Variants in UXS1 observed in about 807,000 individuals in gnomAD.
UXS1 encodes the protein UDP-glucuronic acid decarboxylase 1.
A neutral mutation model predicts 62.6 loss-of-function variants in UXS1; 33 were observed. The ratio of observed to expected loss-of-function variants is 0.53; its 90% CI spans 0.40 to 0.70. The LOEUF is 0.70. Ranked by LOEUF, UXS1 falls within the 30% of genes least tolerant of loss-of-function variation. The pLI is 0.00. For synonymous variants in UXS1, 213 were observed against 206.8 expected, an observed-to-expected ratio of 1.03 and a Z score of -0.26; for missense variants, 434 against 556.3, an observed-to-expected ratio of 0.78 and a Z score of 2.21.
intron 9 of UXS1, among the ~76,000 whole-genome samples, chr2:106,121,542 T>C (rs1480109140): frequency 6.6e-6 from 1 of 152,170 alleles, no homozygotes; most frequent in Non-Finnish European, 1.5e-5. Flanking sequence ...TACTCCTAAG[T>C]ACCCATGCAC....
chr2:106,188,296 G>A (rs945014989), intron 1 of UXS1, among the ~76,000 whole-genome samples: 1 of 152,176 alleles, frequency 6.6e-6, no homozygotes, highest in African/African-American at 2.4e-5. Context: ...GGAAAAAGAA[G>A]ATAGGTGAAT....
rs537914740 is a variant in UXS1 at position 106,151,874 on chromosome 2, A to G, written c.291+6184T>C. ...CATCTCAAAAAGGCAAGAGACTTCTATAACTTCCAGAAGAACAGAGAGATT... is the reference window on the plus strand; with the variant it reads ...CATCTCAAAAAGGCAAGAGACTTCTGTAACTTCCAGAAGAACAGAGAGATT... On this transcript the variant is annotated intron_variant, in intron 5 of 14. Coordinates refer to ENST00000283148, the MANE Select transcript of UXS1 (RefSeq NM_001253875.2). Among the ~76,000 whole-genome samples, 55 of 152,360 alleles carry G rather than the reference A, an allele frequency of 3.6e-4. No individual in the cohort carries two copies. In the South Asian group the frequency reaches 4.4e-3, roughly 12 times the overall value.
intron 9 of UXS1, among the ~76,000 whole-genome samples, chr2:106,121,035 G>A (rs572082245): frequency 6.6e-6 from 1 of 152,310 alleles, no homozygotes; most frequent in East Asian, 1.9e-4. Flanking sequence ...AAATGCTGAT[G>A]TTCCAGAGTT....
intron 14 of UXS1, among the ~76,000 whole-genome samples, chr2:106,095,863 C>G (rs529040215): frequency 6.6e-6 from 1 of 152,306 alleles, no homozygotes; most frequent in East Asian, 1.9e-4. Context: ...CGGGGAGGAG[C>G]CTGCAGTCAC....
chr2:106,154,168 C>T (rs183465325), intron 5 of UXS1, among the ~76,000 whole-genome samples: 1 of 152,250 alleles, frequency 6.6e-6, no homozygotes, highest in Admixed American at 6.5e-5. Context: ...TGGCTGAAAA[C>T]TCCCCAGAAT....
intron 8 of UXS1, among the ~76,000 whole-genome samples, chr2:106,125,069 T>C (rs1250900088): frequency 1.3e-5 from 2 of 152,196 alleles, no homozygotes; most frequent in Admixed American, 1.3e-4. Flanking sequence ...TCCCCACTCC[T>C]CAACTCCTTC....
At chr2:106,098,897 A>G in intron 12 of UXS1, 124 bp from the exon 13 acceptor site, 1 of 793,692 alleles carries the variant, frequency 1.3e-6, no homozygotes. Flanking sequence ...CTGCTTCAGC[A>G]GAGCTCCGTG....
chr2:106,194,293 G>T lies in UXS1; in HGVS notation c.-52C>A. ...CCTACCGCGCGGGGGCCCGCCTGCT[G>T]CACAATGCGCGGCGGCGGCGGCGGC... On this transcript the variant is annotated 5_prime_UTR_variant, in exon 1 of 15. Coordinates refer to ENST00000283148, the MANE Select transcript of UXS1 (RefSeq NM_001253875.2). 4 of 1,078,676 alleles carry T rather than the reference G, an allele frequency of 3.7e-6. No homozygotes were observed. Among genetic ancestry groups the T allele is most frequent in the Non-Finnish European group, 4.6e-6 (4 of 867,804 alleles). The allele number at this position is 1,078,676 out of a possible 1,614,324, so 66.8% of individuals were successfully genotyped here.
At chr2:106,121,999 A>G (rs1459264819) in intron 9 of UXS1, among the ~76,000 whole-genome samples, 2 of 152,160 alleles carry the variant, frequency 1.3e-5, no homozygotes, top group Non-Finnish European at 2.9e-5. Context: ...CCTGAGACAG[A>G]CAGTCAGGAA....
At chr2:106,138,085 T>A (rs550560943) in intron 6 of UXS1, 1 of 756,258 alleles carries the variant, frequency 1.3e-6, no homozygotes, top group Admixed American at 6.3e-5. Context: ...GACAGGAAAC[T>A]GCATTAAAGG....
chr2:106,178,518 GTC>G (rs1684035641), intron 1 of UXS1, among the ~76,000 whole-genome samples: 1 of 6,344 alleles, frequency 1.6e-4, no homozygotes, highest in African/African-American at 1.9e-4. Context: ...ACATATACAA[GTC>G]TATGTATATG....
chr2:106,146,946 C>T (rs1681627710), intron 5 of UXS1, among the ~76,000 whole-genome samples: 1 of 151,748 alleles, frequency 6.6e-6, no homozygotes, highest in Admixed American at 6.6e-5. Context: ...TGACGCCAGG[C>T]GTTCAAGACT....
At chr2:106,111,651 A>C (rs1355949055) in intron 10 of UXS1, among the ~76,000 whole-genome samples, 1 of 152,172 alleles carries the variant, frequency 6.6e-6, no homozygotes, top group Admixed American at 6.5e-5. Flanking sequence ...CTGAAAAAGG[A>C]GGGGAATAAT....
chr2:106,121,783 G>A lies in UXS1; in HGVS notation c.759+1187C>T, dbSNP rs982208884. On this transcript the variant is annotated intron_variant, in intron 9 of 14. Transcript: ENST00000283148. ...AAACAATAGCATAAGGTTAATTTAT[G>A]CATCTTTAATGCTGGCATTTCATTA... 2.0e-5 allele frequency among the ~76,000 whole-genome samples: 3 copies of A among 152,220 alleles called. No individual in the cohort carries two copies. In the South Asian group the frequency reaches 6.2e-4, roughly 32 times the overall value.
intron 1 of UXS1, among the ~76,000 whole-genome samples, chr2:106,191,151 G>T (rs1684904603): frequency 6.6e-6 from 1 of 152,170 alleles, no homozygotes; most frequent in African/African-American, 2.4e-5. Flanking sequence ...TCAAGGAGGA[G>T]ACTCAGGGCC....
rs754028242 is a variant in UXS1, at chr2:106,166,037, A to G, written c.122+19T>C. The G allele has an allele frequency of 6.2e-7, 1 of 1,609,374 alleles. No individual in the cohort carries two copies. The highest frequency in any genetic ancestry group is 8.5e-7 in the Non-Finnish European group (1 of 1,177,828). ...CTATAAAATCCAACCACAGTACCCA[A>G]GTAATTAAAAACAATTACCTCATAT... is the stretch of plus-strand genomic sequence containing the variant. On this transcript the variant is annotated intron_variant, in intron 2 of 14. Coordinates refer to ENST00000283148, the MANE Select transcript of UXS1 (RefSeq NM_001253875.2).
At chr2:106,107,217 C>T (rs529353426) in intron 10 of UXS1, among the ~76,000 whole-genome samples, 2 of 152,204 alleles carry the variant, frequency 1.3e-5, no homozygotes, top group Non-Finnish European at 2.9e-5. Context: ...TCCCACCACA[C>T]TCAGTCAGGG....
chr2:106,166,119 G>C (rs1247251883), intron 1 of UXS1, 36 bp from the exon 2 acceptor site: 7 of 1,600,596 alleles, frequency 4.4e-6, no homozygotes, highest in African/African-American at 1.3e-5. Context: ...CAATGTTTAA[G>C]TCCACAACTT....
chr2:106,181,545 C>T (rs1166947001), intron 1 of UXS1, among the ~76,000 whole-genome samples: 1 of 151,912 alleles, frequency 6.6e-6, no homozygotes, highest in African/African-American at 2.4e-5. Flanking sequence ...ATGGTGAAAC[C>T]CTGTCTCAAC....
Sources: gnomAD v4.1 joint callset for allele counts (sites outside exome capture counted in the v4.1 genomes callset) on GRCh38, gnomAD v4.1.1 for gene constraint, MANE v1.5 for transcripts, NCBI Gene and HGNC (gene_info 2026-07-23, HGNC 2026-07-21) for gene names.